The following TBXA2R variants were observed in gnomAD, a reference collection of about 807,000 sequenced individuals.
TBXA2R encodes thromboxane A2 receptor.
Under a neutral mutation model 15.6 loss-of-function variants are expected in TBXA2R, and 15 were observed. The ratio of observed to expected loss-of-function variants is 0.96; its 90% CI spans 0.64 to 1.48. The LOEUF is 1.48. TBXA2R is among the 40% of genes most tolerant of loss of function. TBXA2R has a pLI of 0.00. For synonymous variants in TBXA2R, 280 were observed against 241.2 expected (o/e 1.16, Z -1.49); for missense variants, 506 against 491.4 (o/e 1.03, Z -0.28).
chr19:3,603,097 C>T (rs1484704592), intron 1 of TBXA2R, among the ~76,000 whole-genome samples: 2 of 152,018 alleles, frequency 1.3e-5, no homozygotes, highest in African/African-American at 4.8e-5. Context: ...GCGCAGCACT[C>T]AGCACAGCAC....
chr19:3,604,244 C>T (rs1272848491), intron 1 of TBXA2R, among the ~76,000 whole-genome samples: 2 of 152,194 alleles, frequency 1.3e-5, no homozygotes, highest in Non-Finnish European at 2.9e-5. Context: ...TTCCTGGCTT[C>T]TTTCTGGAAG....
At chr19:3,597,951 T>C (rs2032634601) in intron 2 of TBXA2R, 1 of 152,012 alleles carries the variant, frequency 6.6e-6, no homozygotes. Context: ...ATTAAATCAA[T>C]CAATCAATCA....
At chr19:3,596,787 C>T (rs1020161793) in intron 2 of TBXA2R, among the ~76,000 whole-genome samples, 16 of 149,932 alleles carry the variant, frequency 1.1e-4, no homozygotes, top group East Asian at 1.0e-3. Flanking sequence ...TTCACTGTGT[C>T]AGCCAGGATG....
At position 3,594,820 on chromosome 19, in the gene TBXA2R, G is replaced by T. The variant is rs2032562045; in HGVS notation, c.*868C>A. 6.5e-7 allele frequency: 1 copy of T among 1,528,564 alleles called. No homozygotes were observed. The highest frequency in any genetic ancestry group is 1.4e-5 in the African/African-American group (1 of 72,828). The allele number at this position is 1,528,564 out of a possible 1,614,324, so 94.7% of individuals were successfully genotyped here. A position where few individuals can be genotyped will look rare whatever the true frequency, so the allele number is the denominator to read the frequency against. The stretch of plus-strand genomic sequence containing the variant: ...AGATATATTTTGGCAAGAAAAGGGG[G>T]TGCCCCCGTTCACATTCAATCCTTT... On this transcript the variant is annotated 3_prime_UTR_variant, in exon 3 of 3. Coordinates refer to ENST00000375190, the MANE Select transcript of TBXA2R (RefSeq NM_001060.6).
chr19:3,605,910 C>G (rs900109908), intron 1 of TBXA2R, among the ~76,000 whole-genome samples: 1 of 151,524 alleles, frequency 6.6e-6, no homozygotes, highest in African/African-American at 2.4e-5. Flanking sequence ...GACATAGACA[C>G]ACACAGATAC....
chr19:3,604,527 C>T (rs2032794940), intron 1 of TBXA2R, among the ~76,000 whole-genome samples: 1 of 152,148 alleles, frequency 6.6e-6, no homozygotes, highest in South Asian at 2.1e-4. Flanking sequence ...ATCCATTTCT[C>T]AACAAGTCCC....
chr19:3,595,314 G>C lies in TBXA2R; in HGVS notation c.*374C>G. On this transcript the variant is annotated 3_prime_UTR_variant, in exon 3 of 3. Coordinates refer to ENST00000375190, the MANE Select transcript of TBXA2R (RefSeq NM_001060.6). ...GAATCGCTTGAACCCGGGAGGTGGA[G>C]GTTGCAGTGAGCTGAGATTGCGCCA... 2 of 1,294,642 alleles carry C rather than the reference G, an allele frequency of 1.5e-6. No homozygotes were observed. The allele number at this position is 1,294,642 out of a possible 1,614,324, so 80.2% of individuals were successfully genotyped here.
Position 3,600,022 on chromosome 19 carries a change from C to A in TBXA2R, c.613G>T (p.Gly205Cys), listed in dbSNP as rs200163011. ...AGGAAGGACAGCCCGACCGAGAGGC[C>A]GCCCAGCATGGAGAAGAGCAGCCCG... is the stretch of plus-strand genomic sequence containing the variant. ...AFGLLFSMLG[G>C]LSVGLSFLLN... The change falls in exon 2 of 3, where the codon GGC (glycine) becomes TGC (cysteine). Residue 205 changes from glycine (G) to cysteine (C), a missense_variant. Transcript: ENST00000375190. 1.2e-6 allele frequency: 2 copies of A among 1,612,164 alleles called. No homozygotes were observed. Among genetic ancestry groups the A allele is most frequent in the African/African-American group, 2.7e-5 (2 of 75,044 alleles).
At chr19:3,605,793 C>G (rs1437653626) in intron 1 of TBXA2R, among the ~76,000 whole-genome samples, 2 of 115,172 alleles carry the variant, frequency 1.7e-5, no homozygotes, top group African/African-American at 6.4e-5. Flanking sequence ...CAGACACACA[C>G]AAGCAGAAAC....
In TBXA2R at chr19:3,599,894, G is replaced by A. The variant is rs762854873; in HGVS notation, c.741C>T (p.Leu247=). 1.9e-6 allele frequency: 3 copies of A among 1,549,358 alleles called. No individual in the cohort carries two copies. In the South Asian group the frequency reaches 3.6e-5, roughly 18 times the overall value. Residue 247 remains leucine, a synonymous_variant, in exon 2 of 3, where the codon CTC becomes CTT. Transcript: ENST00000375190. ...RDSEVEMMAQ[L]LGIMVVASVC... ...CGCTGGCCACCACCATGATCCCCAG[G>A]AGCTGAGCCATCATCTCCACCTCGG...
rs941365894 is a variant in TBXA2R at position 3,600,700 on chromosome 19, G to A, written c.-66C>T. The A allele has an allele frequency of 1.6e-5, 25 of 1,571,862 alleles. No homozygotes were observed. Among genetic ancestry groups the A allele is most frequent in the Non-Finnish European group, 5.2e-6 (6 of 1,153,892 alleles). ...CCGATGCTGCAGACAGGGCAGGCTGGCACTGGTTCAGGCACACCTGGGAGG... is the reference window on the plus strand; with the variant it reads ...CCGATGCTGCAGACAGGGCAGGCTGACACTGGTTCAGGCACACCTGGGAGG... On this transcript the variant is annotated 5_prime_UTR_variant, in exon 2 of 3. Transcript: ENST00000375190.
intron 2 of TBXA2R, among the ~76,000 whole-genome samples, chr19:3,596,272 C>T (rs974522230): frequency 7.9e-5 from 12 of 152,128 alleles, no homozygotes; most frequent in South Asian, 4.1e-4. Context: ...TCAGGTGATC[C>T]ACCAGCCTCA....
chr19:3,600,225 G>A lies in TBXA2R; in HGVS notation c.410C>T (p.Pro137Leu). 6.2e-7 allele frequency: 1 copy of A among 1,610,130 alleles called. No individual in the cohort carries two copies. Among genetic ancestry groups the A allele is most frequent in the South Asian group, 1.1e-5 (1 of 90,956 alleles). Reference sequence around the variant, plus strand: ...CGAGGCGACCGCCGGGCGCGAGAAGGGCCGGGTGATACCCAGGTAGCGCTC... The same window carrying A: ...CGAGGCGACCGCCGGGCGCGAGAAGAGCCGGGTGATACCCAGGTAGCGCTC... ...ASERYLGITR[P>L]FSRPAVASQR... Residue 137 changes from proline (P) to leucine (L), a missense_variant, in exon 2 of 3, where the codon CCC (proline) becomes CTC (leucine). Coordinates refer to ENST00000375190, the MANE Select transcript of TBXA2R (RefSeq NM_001060.6).
At chr19:3,605,629 A>C (rs1333266347) in intron 1 of TBXA2R, among the ~76,000 whole-genome samples, 5 of 152,040 alleles carry the variant, frequency 3.3e-5, no homozygotes, top group Non-Finnish European at 2.9e-5. Context: ...CCACAGACAC[A>C]CCCAGACAGA....
intron 1 of TBXA2R, among the ~76,000 whole-genome samples, chr19:3,601,555 A>T (rs2145295401): frequency 6.6e-6 from 1 of 151,934 alleles, no homozygotes; most frequent in South Asian, 2.1e-4. Flanking sequence ...CAACAAACAA[A>T]AACGCTAAAA....
In TBXA2R at chr19:3,595,552, C is replaced by T. The variant is rs2032581821; in HGVS notation, c.*136G>A. ...GGGGGTCCCCGGGTTGGATTGGGGTCAACCCAAAACCCTGCTGCTGATGCC... is the reference window on the plus strand; with the variant it reads ...GGGGGTCCCCGGGTTGGATTGGGGTTAACCCAAAACCCTGCTGCTGATGCC... On this transcript the variant is annotated 3_prime_UTR_variant, in exon 3 of 3. Coordinates refer to ENST00000375190, the MANE Select transcript of TBXA2R (RefSeq NM_001060.6). 6.9e-7 allele frequency: 1 copy of T among 1,438,904 alleles called. No individual in the cohort carries two copies. Among genetic ancestry groups the T allele is most frequent in the Non-Finnish European group, 9.1e-7 (1 of 1,098,726 alleles). The allele number at this position is 1,438,904 out of a possible 1,614,324, so 89.1% of individuals were successfully genotyped here.
At chr19:3,605,910 C>A (rs900109908) in intron 1 of TBXA2R, among the ~76,000 whole-genome samples, 1 of 151,524 alleles carries the variant, frequency 6.6e-6, no homozygotes, top group Admixed American at 6.6e-5. Context: ...GACATAGACA[C>A]ACACAGATAC....
chr19:3,600,338 G>A lies in TBXA2R; in HGVS notation c.297C>T (p.Asp99=), dbSNP rs964641491. 5.0e-6 allele frequency: 8 copies of A among 1,613,144 alleles called. No individual in the cohort carries two copies. The highest frequency in any genetic ancestry group is 6.8e-6 in the Non-Finnish European group (8 of 1,179,846). The change falls in exon 2 of 3, where the codon GAC becomes GAT. Residue 99 remains aspartate (D), a synonymous_variant. Transcript: ENST00000375190. ...HAALFEWHAV[D]PGCRLCRFMG... is the part of the protein sequence containing the mutation. ...TGAAGCGACAGAGACGGCAGCCAGGGTCCACGGCGTGCCACTCGAAGAGCG... is the reference window on the plus strand; with the variant it reads ...TGAAGCGACAGAGACGGCAGCCAGGATCCACGGCGTGCCACTCGAAGAGCG...
At chr19:3,602,099 T>C (rs536843241) in intron 1 of TBXA2R, among the ~76,000 whole-genome samples, 2 of 152,240 alleles carry the variant, frequency 1.3e-5, no homozygotes, top group Admixed American at 6.5e-5. Flanking sequence ...CGGGAGCCTG[T>C]AGTCCCAGCT....
Sources: gnomAD v4.1 joint callset for allele counts (sites outside exome capture counted in the v4.1 genomes callset) on GRCh38, gnomAD v4.1.1 for gene constraint, MANE v1.5 for transcripts, NCBI Gene and HGNC (gene_info 2026-07-23, HGNC 2026-07-21) for gene names.